Variants in SEC24B observed in about 807,000 individuals in gnomAD.
The protein encoded by SEC24B is SEC24 homolog B, COPII component.
In SEC24B, 45 loss-of-function variants were observed where a neutral mutation model predicts 142.8. The observed-to-expected ratio is 0.32, with a 90% confidence interval of 0.25 to 0.40. The LOEUF (loss-of-function observed/expected upper bound fraction) is 0.40, where lower values mean the gene tolerates loss of function less well. Ranked by LOEUF, SEC24B falls within the 10% of genes least tolerant of loss-of-function variation. The probability of loss-of-function intolerance (pLI) is 1.00; values close to 1 mark genes in which losing one functional copy is unlikely to be tolerated. For synonymous variants in SEC24B, 574 were observed against 568.2 expected (o/e 1.01, Z -0.15); for missense variants, 1,409 against 1,526.8 (o/e 0.92, Z 1.29).
chr4:109,471,874 T>C (rs1309370569), intron 2 of SEC24B, among the ~76,000 whole-genome samples: 1 of 152,188 alleles, frequency 6.6e-6, no homozygotes, highest in Non-Finnish European at 1.5e-5. Context: ...TGCCACATAC[T>C]GTTGATTAAA....
Position 109,473,174 on chromosome 4 carries a change from T to C in SEC24B, c.1048T>C (p.Leu350=), listed in dbSNP as rs780835593. ...CTCAGTTACACAGCCATCAGAGCTA[T>C]TACAACAAAAAGGTATTTGAGATAT... ...VTSVTQPSEL[L]QQKGVQYGEY... The change falls in exon 3 of 24, where the codon TTA becomes CTA. Residue 350 remains leucine (L), a synonymous_variant. Transcript: ENST00000265175. 9 of 1,568,820 alleles carry C rather than the reference T, an allele frequency of 5.7e-6. No individual in the cohort carries two copies. The East Asian group carries it at 1.9e-4, about 33-fold the overall frequency.
chr4:109,501,059 C>T (rs1305915410), intron 6 of SEC24B, among the ~76,000 whole-genome samples: 3 of 152,216 alleles, frequency 2.0e-5, no homozygotes, highest in Non-Finnish European at 4.4e-5. Flanking sequence ...TCACCACTCA[C>T]TCACTGACTC....
intron 3 of SEC24B, among the ~76,000 whole-genome samples, chr4:109,478,808 G>A (rs2125978390): frequency 6.6e-6 from 1 of 152,294 alleles, no homozygotes; most frequent in Admixed American, 6.5e-5. Flanking sequence ...ATTAACACGG[G>A]CACTTTTTTA....
intron 1 of SEC24B, among the ~76,000 whole-genome samples, chr4:109,437,848 C>T (rs1375308394): frequency 2.0e-5 from 3 of 152,204 alleles, no homozygotes; most frequent in Admixed American, 1.3e-4. Context: ...TGGTCTCCAT[C>T]TCCTGACCTT....
At position 109,531,371 on chromosome 4, in the gene SEC24B, CT is replaced by C; in HGVS notation, c.3253-9del. 6.3e-7 allele frequency: 1 copy of C among 1,592,090 alleles called. No homozygotes were observed. On this transcript the variant is annotated splice_polypyrimidine_tract_variant and intron_variant, in intron 19 of 23. Coordinates refer to ENST00000265175, the MANE Select transcript of SEC24B (RefSeq NM_006323.5). Reference sequence around the variant, plus strand: ...TTGTATTTTACTTGAAAACGTTTATCTTTTTCCTTGTAGAAAGCATTTAGAA... The same window carrying C: ...TTGTATTTTACTTGAAAACGTTTATCTTTTCCTTGTAGAAAGCATTTAGAA...
At chr4:109,538,656 T>C in intron 23 of SEC24B, 60 bp downstream of exon 23, 2 of 1,051,052 alleles carry the variant, frequency 1.9e-6, no homozygotes, top group South Asian at 1.4e-5. Flanking sequence ...GTGGAATTGC[T>C]TGTCTTCAAA....
At chr4:109,520,281 G>T in intron 11 of SEC24B, 85 bp from the exon 12 acceptor site, 1 of 827,290 alleles carries the variant, frequency 1.2e-6, no homozygotes, top group South Asian at 1.6e-5. Flanking sequence ...AATTATCCTT[G>T]GACTTAAATT....
intron 14 of SEC24B, 144 bp from the exon 15 acceptor site, chr4:109,524,674 A>G: frequency 1.8e-6 from 1 of 544,862 alleles, no homozygotes; most frequent in South Asian, 3.5e-5. Flanking sequence ...TATTATTATC[A>G]TAGGGAATCT....
intron 1 of SEC24B, among the ~76,000 whole-genome samples, chr4:109,453,156 A>G (rs898262881): frequency 1.3e-5 from 2 of 152,208 alleles, no homozygotes; most frequent in Non-Finnish European, 2.9e-5. Flanking sequence ...CAGAGATCCC[A>G]TGCTTTAAGG....
chr4:109,503,310 G>T (rs2126029746), intron 6 of SEC24B, among the ~76,000 whole-genome samples: 1 of 150,964 alleles, frequency 6.6e-6, no homozygotes, highest in South Asian at 2.1e-4. Flanking sequence ...TGCAACCTCT[G>T]CCTTCCGGTT....
chr4:109,483,909 A>G (rs1248176712), intron 4 of SEC24B, among the ~76,000 whole-genome samples: 1 of 152,202 alleles, frequency 6.6e-6, no homozygotes, highest in Non-Finnish European at 1.5e-5. Context: ...TTCTCTATCA[A>G]CATATTTTTG....
intron 7 of SEC24B, among the ~76,000 whole-genome samples, chr4:109,509,538 A>G (rs972981866): frequency 1.4e-4 from 21 of 152,148 alleles, no homozygotes; most frequent in African/African-American, 2.9e-4. Context: ...TTAGCTGGGC[A>G]TGGTGGCAAG....
intron 6 of SEC24B, among the ~76,000 whole-genome samples, chr4:109,495,717 G>T (rs113169015): frequency 1.3e-5 from 2 of 152,138 alleles, no homozygotes; most frequent in Non-Finnish European, 2.9e-5. Flanking sequence ...TTGTCTGCTC[G>T]TGTGACTGGC....
At chr4:109,443,296 T>G (rs1237329158) in intron 1 of SEC24B, among the ~76,000 whole-genome samples, 2 of 152,240 alleles carry the variant, frequency 1.3e-5, no homozygotes, top group African/African-American at 4.8e-5. Context: ...TACAGAATTC[T>G]GTTCCCTCTC....
Position 109,506,284 on chromosome 4 carries a change from T to G in SEC24B, c.1489-44T>G, listed in dbSNP as rs766779016. The G allele has an allele frequency of 1.0e-5, 14 of 1,377,230 alleles. No individual in the cohort carries two copies. The Admixed American group carries it at 3.8e-4, about 37-fold the overall frequency. The allele number at this position is 1,377,230 out of a possible 1,614,324, so 85.3% of individuals were successfully genotyped here. ...TGTAGTATATATAAGAAAATTTATT[T>G]ATGTTTTATTGTTCTTTTATTTTGT... On this transcript the variant is annotated intron_variant, in intron 6 of 23. Transcript: ENST00000265175.
At chr4:109,535,035 A>G (rs1725363532) in intron 22 of SEC24B, among the ~76,000 whole-genome samples, 1 of 152,106 alleles carries the variant, frequency 6.6e-6, no homozygotes, top group African/African-American at 2.4e-5. Flanking sequence ...CCACATTTTG[A>G]TCACCCATTC....
rs758763103 is a variant in SEC24B, at chr4:109,494,807, G to T, written c.1439G>T (p.Gly480Val). The part of the protein sequence containing the change: ...YQNATAPLIS[G>V]VQPSNPVYSG... ...AATGCTACAGCACCACTTATTTCTG[G>T]AGTACAGCCCAGTAACCCGGTATAT... Residue 480 changes from glycine to valine, a missense_variant, in exon 6 of 24, where the codon GGA (glycine) becomes GTA (valine). Physicochemically the swap from Gly to Val is moderately radical, Grantham distance 109 (BLOSUM62 -3). Coordinates refer to ENST00000265175, the MANE Select transcript of SEC24B (RefSeq NM_006323.5). 1.4e-5 allele frequency: 22 copies of T among 1,614,078 alleles called. No homozygotes were observed. Among genetic ancestry groups the T allele is most frequent in the Non-Finnish European group, 1.8e-5 (21 of 1,179,988 alleles).
At chr4:109,489,486 T>TTTTTTTTTTTTTTTTTTTTTTTTTG (rs1734755939) in intron 4 of SEC24B, among the ~76,000 whole-genome samples, 3 of 151,346 alleles carry the variant, frequency 2.0e-5, no homozygotes, top group African/African-American at 7.3e-5. Flanking sequence ...CACTTCTATT[T>TTTTTTTTTTTTTTTTTTTTTTTTTG]AGCTCTATCT....
At chr4:109,467,100 G>A (rs1475870524) in intron 2 of SEC24B, among the ~76,000 whole-genome samples, 2 of 151,338 alleles carry the variant, frequency 1.3e-5, no homozygotes, top group African/African-American at 2.4e-5. Flanking sequence ...GCCGAGGCGG[G>A]CGGATCACGA....
Sources: allele counts gnomAD v4.1 joint callset (sites outside exome capture counted in the v4.1 genomes callset), GRCh38; gene constraint gnomAD v4.1.1; transcripts MANE v1.5; gene names NCBI Gene and HGNC (gene_info 2026-07-23, HGNC 2026-07-21).